The following SCP2 variants were observed in gnomAD, a reference collection of about 807,000 sequenced individuals.
SCP2 encodes SCP-2/3-oxoacyl-CoA thiolase.
Under a neutral mutation model 71.4 loss-of-function variants are expected in SCP2, and 48 were observed. The observed-to-expected ratio is 0.67, with a 90% CI of 0.53 to 0.86. The LOEUF is 0.86. SCP2 is among the 40% of genes least tolerant of loss of function. The pLI is 0.00. For synonymous variants in SCP2, 220 were observed against 218.1 expected, an observed-to-expected ratio of 1.01 and a Z score of -0.08; for missense variants, 560 against 655.6, an observed-to-expected ratio of 0.85 and a Z score of 1.59.
At chr1:52,935,987 T>C (rs1572044401) in intron 1 of SCP2, among the ~76,000 whole-genome samples, 2 of 151,994 alleles carry the variant, frequency 1.3e-5, no homozygotes, top group African/African-American at 2.4e-5. Flanking sequence ...CTTTTCCAAC[T>C]ACATGTCTGT....
At chr1:52,995,797 C>T in intron 11 of SCP2, 1 of 855,194 alleles carries the variant, frequency 1.2e-6, no homozygotes, top group Non-Finnish European at 2.0e-6. Flanking sequence ...CCTTAATCGG[C>T]AGCAGCACGG....
chr1:52,940,006 C>G (rs1654080191), intron 1 of SCP2, among the ~76,000 whole-genome samples: 1 of 152,120 alleles, frequency 6.6e-6, no homozygotes, highest in Admixed American at 6.5e-5. Context: ...TGCCGAACTT[C>G]CTATTGCTCC....
chr1:52,955,615 C>T (rs943557626), intron 5 of SCP2, among the ~76,000 whole-genome samples: 1 of 152,148 alleles, frequency 6.6e-6, no homozygotes, highest in Non-Finnish European at 1.5e-5. Flanking sequence ...CCAACATTCT[C>T]ATTATCTAAG....
intron 11 of SCP2, among the ~76,000 whole-genome samples, chr1:53,006,393 C>T (rs984056914): frequency 3.9e-5 from 6 of 152,068 alleles, no homozygotes; most frequent in African/African-American, 1.2e-4. Flanking sequence ...GGTCGGGTTA[C>T]CCACAAAGGG....
In SCP2 at chr1:53,013,957, C is replaced by G. The variant is rs1164162053; in HGVS notation, c.1082-933C>G. On this transcript the variant is annotated intron_variant, in intron 11 of 15. Coordinates refer to ENST00000371514, the MANE Select transcript of SCP2 (RefSeq NM_002979.5). ...GTCGCCCAGGCTGGAGTGCAGTGGC[C>G]CGATCTCAGCTCACTGCAAGCTCTG... 2.8e-5 allele frequency among the ~76,000 whole-genome samples: 4 copies of G among 141,592 alleles called. No individual in the cohort carries two copies. The Admixed American group carries it at 3.0e-4, about 11-fold the overall frequency. 92.9% of individuals were successfully genotyped at this position (141,592 alleles called of 152,430 possible).
chr1:52,995,884 C>T (rs1223026047), intron 11 of SCP2: 2 of 1,466,860 alleles, frequency 1.4e-6, no homozygotes, highest in Non-Finnish European at 1.8e-6. Flanking sequence ...TCCACTGGTA[C>T]ACAGCTGAGG....
intron 13 of SCP2, among the ~76,000 whole-genome samples, chr1:53,036,870 C>CAGT (rs1289800838): frequency 6.6e-6 from 1 of 151,940 alleles, no homozygotes; most frequent in Non-Finnish European, 1.5e-5. Context: ...TGGCCGTGTG[C>CAGT]AGTAGCTCAC....
chr1:52,971,376 G>T (rs1657483482), intron 6 of SCP2, among the ~76,000 whole-genome samples: 1 of 152,060 alleles, frequency 6.6e-6, no homozygotes, highest in South Asian at 2.1e-4. Context: ...GTTTTACATT[G>T]CTCAGAATAA....
intron 11 of SCP2, chr1:52,993,082 T>C: frequency 8.2e-7 from 1 of 1,224,626 alleles, no homozygotes; most frequent in South Asian, 1.2e-5. Context: ...GGTCTAAGGC[T>C]AACATGGTGA....
chr1:53,018,360 T>C (rs1346415028), intron 12 of SCP2, among the ~76,000 whole-genome samples: 1 of 152,214 alleles, frequency 6.6e-6, no homozygotes, highest in African/African-American at 2.4e-5. Context: ...GGTGGAGTTG[T>C]TATGCTTCTT....
At chr1:52,948,420 C>T (rs1481396002) in intron 3 of SCP2, among the ~76,000 whole-genome samples, 1 of 151,932 alleles carries the variant, frequency 6.6e-6, no homozygotes, top group East Asian at 1.9e-4. Context: ...CCGAGGCAGG[C>T]GGATCACGAG....
intron 15 of SCP2, 94 bp from the exon 16 acceptor site, chr1:53,050,515 A>G: frequency 2.5e-6 from 2 of 807,926 alleles, no homozygotes; most frequent in South Asian, 2.8e-5. Flanking sequence ...TGTGACCTGG[A>G]TAAATAAATG....
chr1:53,004,757 G>T (rs901698558), intron 11 of SCP2, among the ~76,000 whole-genome samples: 8 of 152,160 alleles, frequency 5.3e-5, no homozygotes, highest in African/African-American at 9.7e-5. Flanking sequence ...GAGGTACCAG[G>T]TTCATCTCAC....
intron 12 of SCP2, among the ~76,000 whole-genome samples, chr1:53,017,408 C>T (rs1661410177): frequency 6.6e-6 from 1 of 152,182 alleles, no homozygotes; most frequent in Non-Finnish European, 1.5e-5. Context: ...TGTTTTCCAC[C>T]CATGTAGTAC....
intron 11 of SCP2, among the ~76,000 whole-genome samples, chr1:52,989,858 C>G (rs1163420940): frequency 6.6e-6 from 1 of 152,072 alleles, no homozygotes; most frequent in African/African-American, 2.4e-5. Context: ...AATCTAGAAG[C>G]CTAATGGCGT....
chr1:52,929,328 G>T (rs988025116), intron 1 of SCP2, among the ~76,000 whole-genome samples: 7 of 151,766 alleles, frequency 4.6e-5, no homozygotes, highest in African/African-American at 1.5e-4. Flanking sequence ...AGGACTACAG[G>T]CATTCTACCA....
At chr1:53,014,323 C>T (rs1366664325) in intron 11 of SCP2, among the ~76,000 whole-genome samples, 1 of 152,162 alleles carries the variant, frequency 6.6e-6, no homozygotes, top group Non-Finnish European at 1.5e-5. Context: ...TGCTTTGTAA[C>T]CATTCACAGA....
chr1:52,976,810 TGC>T, intron 8 of SCP2, 41 bp downstream of exon 8: 3 of 1,011,902 alleles, frequency 3.0e-6, no homozygotes, highest in Non-Finnish European at 4.8e-6. Context: ...GGGAAGTAAC[TGC>T]TGCCCTTCCT....
intron 11 of SCP2, chr1:52,994,335 A>G (rs1659773410): frequency 1.0e-6 from 1 of 954,356 alleles, no homozygotes; most frequent in Non-Finnish European, 1.3e-6. Context: ...TCATTAGGAG[A>G]TGAATATGAT....
Sources: gnomAD v4.1 joint callset for allele counts (sites outside exome capture counted in the v4.1 genomes callset) on GRCh38, gnomAD v4.1.1 for gene constraint, MANE v1.5 for transcripts, NCBI Gene and HGNC (gene_info 2026-07-23, HGNC 2026-07-21) for gene names.